SLC25A46: variants seen among roughly 807,000 people sequenced by gnomAD.
SLC25A46 encodes the protein solute carrier family 25 member 46, also known as mitochondrial outer membrane protein SLC25A46.
In SLC25A46, 39 loss-of-function variants were observed where a neutral mutation model predicts 44.6. That is an observed-to-expected ratio of 0.87 (90% CI 0.68 to 1.14). SLC25A46 has a LOEUF of 1.14. Among genes scored for constraint, SLC25A46 ranks in the 50% most tolerant of loss-of-function variants. SLC25A46 has a pLI of 0.00. For missense variants in SLC25A46, 547 were observed against 522.7 expected, an observed-to-expected ratio of 1.05 and a Z score of -0.45; for synonymous variants, 202 against 185.8, an observed-to-expected ratio of 1.09 and a Z score of -0.71.
Position 110,756,685 on chromosome 5 carries a change from T to C in SLC25A46, c.621-17T>C. ...TCTTGTTTCAGTATACTGATAAATT[T>C]GTTTTAATTTCTATAGCCTAACTTA... On this transcript the variant is annotated splice_polypyrimidine_tract_variant and intron_variant, in intron 6 of 7. Transcript: ENST00000355943. 6.4e-7 allele frequency: 1 copy of C among 1,553,958 alleles called. No homozygotes were observed. Among genetic ancestry groups the C allele is most frequent in the Non-Finnish European group, 8.7e-7 (1 of 1,153,812 alleles).
intron 4 of SLC25A46, among the ~76,000 whole-genome samples, chr5:110,746,797 G>A (rs1208887905): frequency 6.6e-6 from 1 of 152,164 alleles, no homozygotes; most frequent in East Asian, 1.9e-4. Context: ...TTCATGATGA[G>A]GATAGAGAAA....
chr5:110,740,182 C>G (rs1260272188), intron 1 of SLC25A46, among the ~76,000 whole-genome samples: 5 of 152,120 alleles, frequency 3.3e-5, no homozygotes, highest in African/African-American at 1.2e-4. Context: ...TTTCAACATC[C>G]TTTTTTATTC....
intron 1 of SLC25A46, among the ~76,000 whole-genome samples, chr5:110,740,753 C>T (rs1580853973): frequency 6.6e-6 from 1 of 152,206 alleles, no homozygotes; most frequent in Non-Finnish European, 1.5e-5. Flanking sequence ...AGATCGAGAC[C>T]ATCCTGGCTA....
rs1264604972 is a variant in SLC25A46, at chr5:110,762,179, A to C, written c.*397A>C. 5.5e-6 allele frequency: 1 copy of C among 180,854 alleles called. No individual in the cohort carries two copies. The highest frequency in any genetic ancestry group is 2.4e-5 in the African/African-American group (1 of 41,702). The allele number at this position is 180,854 out of a possible 1,614,324, so 11.2% of individuals were successfully genotyped here. On this transcript the variant is annotated 3_prime_UTR_variant, in exon 8 of 8. Coordinates refer to ENST00000355943, the MANE Select transcript of SLC25A46 (RefSeq NM_138773.4). Reference sequence around the variant, plus strand: ...GATTGATGTTGGTATAGTATCCTTAATACAGTGTAGTATATTAATGTCCTT... The same window carrying C: ...GATTGATGTTGGTATAGTATCCTTACTACAGTGTAGTATATTAATGTCCTT...
Position 110,761,138 on chromosome 5 carries a change from G to T in SLC25A46, c.679-66G>T, listed in dbSNP as rs1402314991. ...TTAGGATTTAAAAGGAACCTAAAAA[G>T]AGTCCTTTTTCTGTGGCAAAATAAG... is the stretch of plus-strand genomic sequence containing the variant. On this transcript the variant is annotated intron_variant, in intron 7 of 7. Coordinates refer to ENST00000355943, the MANE Select transcript of SLC25A46 (RefSeq NM_138773.4). This position sits in a 1 kb window ranked among gnomAD's most constrained non-coding sequence, Gnocchi z 5.3. 1.6e-6 allele frequency: 2 copies of T among 1,251,326 alleles called. No homozygotes were observed. Among genetic ancestry groups the T allele is most frequent in the African/African-American group, 3.0e-5 (2 of 65,592 alleles). 77.5% of individuals were successfully genotyped at this position (1,251,326 alleles called of 1,614,324 possible). A position where few individuals can be genotyped will look rare whatever the true frequency, so the allele number is the denominator to read the frequency against.
At position 110,739,200 on chromosome 5, in the gene SLC25A46, C is replaced by A; in HGVS notation, c.81C>A (p.Ala27=). The A allele has an allele frequency of 6.4e-7, 1 of 1,562,834 alleles. No individual in the cohort carries two copies. Among genetic ancestry groups the A allele is most frequent in the Non-Finnish European group, 8.7e-7 (1 of 1,153,886 alleles). Reference sequence around the variant, plus strand: ...GGGACGAGCAGGGCTTTGGCGGCGCCTTCCCTGCAAGGTCCTTCAGCACCG... The same window carrying A: ...GGGACGAGCAGGGCTTTGGCGGCGCATTCCCTGCAAGGTCCTTCAGCACCG... ...GARDEQGFGG[A]FPARSFSTGS... Residue 27 remains alanine (A), a synonymous_variant, in exon 1 of 8, where the codon GCC becomes GCA. Coordinates refer to ENST00000355943, the MANE Select transcript of SLC25A46 (RefSeq NM_138773.4).
intron 3 of SLC25A46, among the ~76,000 whole-genome samples, 196 bp downstream of exon 3, chr5:110,743,983 C>T (rs1323382680): frequency 6.6e-6 from 1 of 152,078 alleles, no homozygotes; most frequent in Non-Finnish European, 1.5e-5. Flanking sequence ...TTGGTCATAT[C>T]TATTGATAGT....
At chr5:110,746,421 T>G (rs1483142747) in intron 4 of SLC25A46, 75 bp downstream of exon 4, 40 of 990,836 alleles carry the variant, frequency 4.0e-5, no homozygotes, top group Non-Finnish European at 5.9e-5. Flanking sequence ...AAAGCAAGAA[T>G]AATTACTTTC....
Position 110,761,265 on chromosome 5 carries a change from T to C in SLC25A46, c.740T>C (p.Val247Ala), listed in dbSNP as rs1308587017. The C allele has an allele frequency of 6.2e-7, 1 of 1,613,474 alleles. No homozygotes were observed. Among genetic ancestry groups the C allele is most frequent in the Admixed American group, 1.7e-5 (1 of 59,930 alleles). ...LECVKEGIGR[V>A]IGMGVPHSKR... is the part of the protein sequence containing the mutation. Reference sequence around the variant, plus strand: ...TGTGTTAAAGAAGGAATTGGAAGAGTGATAGGCATGGGAGTGCCTCATAGC... The same window carrying C: ...TGTGTTAAAGAAGGAATTGGAAGAGCGATAGGCATGGGAGTGCCTCATAGC... Residue 247 changes from valine (V) to alanine (A), a missense_variant, in exon 8 of 8, where the codon GTG becomes GCG. By Grantham distance (64) the Val-to-Ala change is moderately conservative (BLOSUM62 0). Coordinates refer to ENST00000355943, the MANE Select transcript of SLC25A46 (RefSeq NM_138773.4). This position sits in a 1 kb window ranked among gnomAD's most constrained non-coding sequence, Gnocchi z 5.3.
intron 5 of SLC25A46, among the ~76,000 whole-genome samples, chr5:110,749,011 A>G (rs971323347): frequency 6.6e-6 from 1 of 152,172 alleles, no homozygotes; most frequent in Admixed American, 6.6e-5. Flanking sequence ...GATCTATTGT[A>G]ATAATCTAGG....
At position 110,739,028 on chromosome 5, in the gene SLC25A46, G is replaced by T. The variant is rs1799514583; in HGVS notation, c.-92G>T. On this transcript the variant is annotated 5_prime_UTR_variant, in exon 1 of 8. Transcript: ENST00000355943. The stretch of plus-strand genomic sequence containing the variant: ...TGTCAGAATTTACCCCTGACGCGGC[G>T]GCGGCCGACGGGAAGCTGTGTGTGC... 4.0e-6 allele frequency: 6 copies of T among 1,487,982 alleles called. No homozygotes were observed. The highest frequency in any genetic ancestry group is 3.9e-5 in the South Asian group (3 of 77,622). 92.2% of individuals were successfully genotyped at this position (1,487,982 alleles called of 1,614,324 possible).
intron 5 of SLC25A46, among the ~76,000 whole-genome samples, chr5:110,752,714 T>C (rs1243025003): frequency 6.6e-6 from 1 of 152,246 alleles, no homozygotes; most frequent in Non-Finnish European, 1.5e-5. Flanking sequence ...AGAAAGATTT[T>C]AAGTTGGACT....
chr5:110,752,288 G>A (rs549548354), intron 5 of SLC25A46, among the ~76,000 whole-genome samples: 2 of 152,206 alleles, frequency 1.3e-5, no homozygotes, highest in African/African-American at 4.8e-5. Context: ...AGCCAGGATC[G>A]TCATGTGTGA....
chr5:110,743,729 G>C lies in SLC25A46; in HGVS notation c.327-1G>C. ...CATATACATAAATTATTTTTATATA[G>C]TCTCTTTACAGAAAATGTATTGGCA... is the stretch of plus-strand genomic sequence containing the variant. On this transcript the variant is annotated splice_acceptor_variant, in intron 2 of 7. Coordinates refer to ENST00000355943, the MANE Select transcript of SLC25A46 (RefSeq NM_138773.4). LOFTEE classifies it high-confidence loss of function. 1 of 1,580,956 alleles carries C rather than the reference G, an allele frequency of 6.3e-7. No homozygotes were observed. The highest frequency in any genetic ancestry group is 8.6e-7 in the Non-Finnish European group (1 of 1,156,382).
At chr5:110,738,912 TCTC>T (rs1799503291), upstream of SLC25A46, 1 of 1,342,768 alleles carries the variant, frequency 7.4e-7, no homozygotes, top group East Asian at 2.6e-5. Flanking sequence ...TACCGCCGCG[TCTC>T]CCTAGCAACC....
intron 7 of SLC25A46, among the ~76,000 whole-genome samples, chr5:110,758,995 A>G (rs1445466603): frequency 6.6e-6 from 1 of 152,182 alleles, no homozygotes; most frequent in Admixed American, 6.6e-5. Flanking sequence ...TTTACCTTTC[A>G]GATTTGCAGA....
In SLC25A46 at chr5:110,756,737, C is replaced by G; in HGVS notation, c.656C>G (p.Ala219Gly). 2 of 1,567,442 alleles carry G rather than the reference C, an allele frequency of 1.3e-6. No homozygotes were observed. Among genetic ancestry groups the G allele is most frequent in the Non-Finnish European group, 1.7e-6 (2 of 1,163,708 alleles). The change falls in exon 7 of 8, where the codon GCA becomes GGA. Residue 219 changes from alanine to glycine, a missense_variant. Coordinates refer to ENST00000355943, the MANE Select transcript of SLC25A46 (RefSeq NM_138773.4). ...GTGGTGGCAATGCCTTTTTATTCAGCAAGTCTGATTGAAACAGTGCAGGTG... is the reference window on the plus strand; with the variant it reads ...GTGGTGGCAATGCCTTTTTATTCAGGAAGTCTGATTGAAACAGTGCAGGTG... Reference protein sequence around the residue: ...TYVVAMPFYSASLIETVQSEI... With the variant: ...TYVVAMPFYSGSLIETVQSEI...
intron 7 of SLC25A46, among the ~76,000 whole-genome samples, chr5:110,760,637 C>T (rs1157263936): frequency 6.6e-6 from 1 of 152,116 alleles, no homozygotes; most frequent in Non-Finnish European, 1.5e-5. Context: ...TTATTCATAT[C>T]CCCAAAATTC....
chr5:110,751,119 T>G (rs766486765), intron 5 of SLC25A46, among the ~76,000 whole-genome samples: 13 of 152,172 alleles, frequency 8.5e-5, no homozygotes, highest in East Asian at 1.9e-4. Flanking sequence ...ATTAATTCAT[T>G]CATTTACTTG....
Sources: allele counts gnomAD v4.1 joint callset (sites outside exome capture counted in the v4.1 genomes callset), GRCh38; gene constraint gnomAD v4.1.1; non-coding constraint Gnocchi (gnomAD v3.1); transcripts MANE v1.5; gene names NCBI Gene and HGNC (gene_info 2026-07-23, HGNC 2026-07-21).